Variants in IL1RAPL1 observed in about 807,000 individuals in gnomAD.
IL1RAPL1 encodes interleukin 1 receptor accessory protein like 1, also known as interleukin-1 receptor accessory protein-like 1.
In IL1RAPL1, 3 loss-of-function variants were observed where a neutral mutation model predicts 48.4. The ratio of observed to expected loss-of-function variants is 0.06; its 90% CI spans 0.03 to 0.16. IL1RAPL1 has a LOEUF of 0.16. IL1RAPL1 is among the 10% of genes least tolerant of loss of function. The pLI is 1.00. For synonymous variants in IL1RAPL1, 185 were observed against 187.7 expected (o/e 0.99, Z 0.12); for missense variants, 349 against 530.6 (o/e 0.66, Z 3.36).
chrX:29,130,892 A>C (rs1326713071), intron 2 of IL1RAPL1, among the ~76,000 whole-genome samples: 1 of 112,466 alleles, frequency 8.9e-6, no homozygotes, highest in Non-Finnish European at 1.9e-5. Flanking sequence ...TGAAAATGTG[A>C]AAGCATTCAT....
rs752904317 is a variant in IL1RAPL1 at position 29,213,384 on chromosome X, G to T, written c.83-69554G>T. Reference sequence around the variant, plus strand: ...AATTACTGCTAGAGTTTCTCAAGTGGTCTGAAAATCAGCACTTTCTACCCA... The same window carrying T: ...AATTACTGCTAGAGTTTCTCAAGTGTTCTGAAAATCAGCACTTTCTACCCA... On this transcript the variant is annotated intron_variant, in intron 2 of 10. Transcript: ENST00000378993. Among the ~76,000 whole-genome samples the T allele has an allele frequency of 2.2e-4, 25 of 112,580 alleles. No homozygotes were observed. The East Asian group carries it at 6.2e-3, about 28-fold the overall frequency.
At chrX:29,562,167 T>C (rs1922256627) in intron 5 of IL1RAPL1, among the ~76,000 whole-genome samples, 1 of 103,655 alleles carries the variant, frequency 9.6e-6, no homozygotes, top group Non-Finnish European at 1.9e-5. Context: ...TCTATCTATC[T>C]ATCTATCTAT....
chrX:29,231,738 G>A (rs889474029), intron 2 of IL1RAPL1, among the ~76,000 whole-genome samples: 1 of 111,726 alleles, frequency 9.0e-6, no homozygotes, highest in African/African-American at 3.3e-5. Context: ...TTGTTAGTCA[G>A]TAGGTGACTC....
At chrX:28,831,197 A>G (rs913620690) in intron 2 of IL1RAPL1, among the ~76,000 whole-genome samples, 3 of 95,454 alleles carry the variant, frequency 3.1e-5, no homozygotes, top group Non-Finnish European at 6.2e-5. Context: ...GGGCATGACT[A>G]TAGCTCTGAA....
intron 8 of IL1RAPL1, among the ~76,000 whole-genome samples, chrX:29,934,096 G>A (rs747625146): frequency 3.6e-5 from 4 of 111,168 alleles, no homozygotes; most frequent in East Asian, 2.8e-4. Context: ...AAAAAATCAC[G>A]TTTAGTTGGA....
intron 3 of IL1RAPL1, among the ~76,000 whole-genome samples, chrX:29,354,284 T>G (rs1323291544): frequency 9.0e-6 from 1 of 111,066 alleles, no homozygotes; most frequent in Non-Finnish European, 1.9e-5. Flanking sequence ...CATAGGATGA[T>G]GATGATGTTG....
chrX:29,825,226 T>G (rs1487286191), intron 6 of IL1RAPL1, among the ~76,000 whole-genome samples: 1 of 111,250 alleles, frequency 9.0e-6, no homozygotes, highest in African/African-American at 3.3e-5. Flanking sequence ...CTTCATAGTG[T>G]GGCCACCATA....
chrX:28,753,919 G>GGAGAGA (rs761095391), intron 1 of IL1RAPL1, among the ~76,000 whole-genome samples: 2 of 104,407 alleles, frequency 1.9e-5, no homozygotes, highest in African/African-American at 7.0e-5. Flanking sequence ...AAGGAGGGAG[G>GGAGAGA]GAGAGAGAGA....
chrX:29,221,435 T>C (rs1026799793), intron 2 of IL1RAPL1, among the ~76,000 whole-genome samples: 7 of 111,190 alleles, frequency 6.3e-5, no homozygotes, highest in Non-Finnish European at 1.3e-4. Context: ...AAACTACTAA[T>C]GCTCAGGAGA....
intron 2 of IL1RAPL1, among the ~76,000 whole-genome samples, chrX:28,805,547 T>A (rs1321333993): frequency 2.7e-5 from 3 of 111,102 alleles, no homozygotes; most frequent in Non-Finnish European, 3.8e-5. Context: ...AACTTCAAGT[T>A]AACACAGGGA....
chrX:29,346,716 C>T (rs1007612688), intron 3 of IL1RAPL1, among the ~76,000 whole-genome samples: 1 of 112,163 alleles, frequency 8.9e-6, no homozygotes, highest in Non-Finnish European at 1.9e-5. Context: ...GTGATATATC[C>T]TCTTGATCCA....
At chrX:29,129,255 C>A (rs978354884) in intron 2 of IL1RAPL1, among the ~76,000 whole-genome samples, 9 of 110,284 alleles carry the variant, frequency 8.2e-5, no homozygotes, top group Admixed American at 4.9e-4. Context: ...GTTGGTCAGG[C>A]TGGTCTCAAA....
chrX:28,662,926 A>G (rs1934838031), intron 1 of IL1RAPL1, among the ~76,000 whole-genome samples: 1 of 111,823 alleles, frequency 8.9e-6, no homozygotes, highest in South Asian at 3.8e-4. Flanking sequence ...ACTTTCTCAT[A>G]GTCAGAATGT....
At chrX:29,502,671 T>C (rs951787824) in intron 5 of IL1RAPL1, among the ~76,000 whole-genome samples, 9 of 111,608 alleles carry the variant, frequency 8.1e-5, no homozygotes, top group Admixed American at 7.6e-4. Context: ...CACTTGATCA[T>C]GGTGAATGAT....
chrX:29,829,572 C>T (rs921355563), intron 6 of IL1RAPL1, among the ~76,000 whole-genome samples: 5 of 111,432 alleles, frequency 4.5e-5, no homozygotes, highest in Non-Finnish European at 7.5e-5. Flanking sequence ...GTAGTCAAAA[C>T]ACATGACTAC....
At chrX:29,673,912 G>T (rs1242934272) in intron 6 of IL1RAPL1, among the ~76,000 whole-genome samples, 1 of 111,852 alleles carries the variant, frequency 8.9e-6, no homozygotes, top group African/African-American at 3.2e-5. Flanking sequence ...CACTATTTCA[G>T]TTATTATCGT....
At chrX:29,634,758 A>G (rs1924912505) in intron 5 of IL1RAPL1, among the ~76,000 whole-genome samples, 1 of 111,956 alleles carries the variant, frequency 8.9e-6, no homozygotes, top group Admixed American at 9.5e-5. Flanking sequence ...TCATTACCTC[A>G]CTTATAAATA....
chrX:29,300,123 CTAAA>C (rs1243815012), intron 3 of IL1RAPL1, among the ~76,000 whole-genome samples: 1 of 112,058 alleles, frequency 8.9e-6, no homozygotes, highest in African/African-American at 3.2e-5. Context: ...AAACTGTAAA[CTAAA>C]TAAGCATCGC....
chrX:29,808,939 G>A (rs915695505), intron 6 of IL1RAPL1, among the ~76,000 whole-genome samples: 3 of 110,978 alleles, frequency 2.7e-5, no homozygotes, highest in Non-Finnish European at 3.8e-5. Flanking sequence ...TAATTGAGGT[G>A]TGCCTCTTAT....
Sources: allele counts gnomAD v4.1 joint callset (sites outside exome capture counted in the v4.1 genomes callset), GRCh38; gene constraint gnomAD v4.1.1; transcripts MANE v1.5; gene names NCBI Gene and HGNC (gene_info 2026-07-23, HGNC 2026-07-21).